Variants in GRIA4 observed in about 807,000 individuals in gnomAD.
The protein encoded by GRIA4 is glutamate receptor 4.
A neutral mutation model predicts 104.0 loss-of-function variants in GRIA4; 34 were observed. That is an observed-to-expected ratio of 0.33 (90% confidence interval 0.25 to 0.44). The LOEUF (loss-of-function observed/expected upper bound fraction) is 0.44. Among genes scored for constraint, GRIA4 ranks in the 20% least tolerant of loss-of-function variants. The pLI is 1.00. For missense variants in GRIA4, 750 were observed against 1,096.5 expected (o/e 0.68, Z 4.46); for synonymous variants, 386 against 381.9 (o/e 1.01, Z -0.13).
chr11:105,864,751 T>C (rs1945346125), intron 5 of GRIA4, among the ~76,000 whole-genome samples: 1 of 152,098 alleles, frequency 6.6e-6, no homozygotes, highest in South Asian at 2.1e-4. Context: ...ATGCCTGTAA[T>C]CCCAGCTACT....
chr11:105,811,181 AAG>A (rs1180760719), intron 4 of GRIA4, among the ~76,000 whole-genome samples: 1 of 152,164 alleles, frequency 6.6e-6, no homozygotes, highest in Admixed American at 6.5e-5. Context: ...ATCAGCTGTT[AAG>A]AGGGCTGCAG....
chr11:105,815,568 C>A (rs149863493), intron 4 of GRIA4, among the ~76,000 whole-genome samples: 1 of 152,156 alleles, frequency 6.6e-6, no homozygotes, highest in East Asian at 1.9e-4. Flanking sequence ...GCTGCCTAGT[C>A]CATCTGCTGT....
chr11:105,955,213 T>C (rs1034928381), intron 14 of GRIA4, among the ~76,000 whole-genome samples: 1 of 152,126 alleles, frequency 6.6e-6, no homozygotes, highest in Non-Finnish European at 1.5e-5. Context: ...TACAAAGGTA[T>C]ACAAGTGCCA....
chr11:105,859,263 A>G (rs1039599437), intron 4 of GRIA4, among the ~76,000 whole-genome samples: 1 of 152,196 alleles, frequency 6.6e-6, no homozygotes, highest in African/African-American at 2.4e-5. Flanking sequence ...GATTTTAGCC[A>G]AGCTCTGAAA....
At chr11:105,822,975 T>A (rs898097757) in intron 4 of GRIA4, among the ~76,000 whole-genome samples, 1 of 152,158 alleles carries the variant, frequency 6.6e-6, no homozygotes, top group Non-Finnish European at 1.5e-5. Context: ...TTGTAAGTAC[T>A]GAGTTCTTTT....
intron 5 of GRIA4, among the ~76,000 whole-genome samples, chr11:105,874,273 T>C (rs1278297747): frequency 6.6e-6 from 1 of 152,198 alleles, no homozygotes; most frequent in East Asian, 1.9e-4. Context: ...TCCATTGGTC[T>C]ATATATCTGT....
intron 4 of GRIA4, among the ~76,000 whole-genome samples, chr11:105,815,973 C>G (rs1191774481): frequency 6.6e-6 from 1 of 152,110 alleles, no homozygotes; most frequent in Non-Finnish European, 1.5e-5. Context: ...CTGCCTAGCA[C>G]CCCTCCTTTA....
At chr11:105,869,883 C>T (rs1945552573) in intron 5 of GRIA4, among the ~76,000 whole-genome samples, 1 of 151,998 alleles carries the variant, frequency 6.6e-6, no homozygotes. Context: ...ATCTCATATA[C>T]AACTTGTGAC....
At chr11:105,774,446 A>T (rs1210786371) in intron 4 of GRIA4, among the ~76,000 whole-genome samples, 1 of 152,080 alleles carries the variant, frequency 6.6e-6, no homozygotes, top group Non-Finnish European at 1.5e-5. Context: ...ATAAAAGTGG[A>T]AATTGAAGGA....
chr11:105,836,622 C>G (rs963643755), intron 4 of GRIA4, among the ~76,000 whole-genome samples: 1 of 152,104 alleles, frequency 6.6e-6, no homozygotes, highest in Non-Finnish European at 1.5e-5. Context: ...AGTGAATTCT[C>G]AAACTTTATT....
At chr11:105,912,928 A>G in intron 10 of GRIA4, 4 of 979,382 alleles carry the variant, frequency 4.1e-6, no homozygotes, top group Non-Finnish European at 4.9e-6. Context: ...ATTTTAATAT[A>G]TGTGATACCT....
At chr11:105,633,967 G>A (rs1424997332) in intron 3 of GRIA4, among the ~76,000 whole-genome samples, 1 of 152,102 alleles carries the variant, frequency 6.6e-6, no homozygotes, top group Non-Finnish European at 1.5e-5. Flanking sequence ...ACATTAGGCG[G>A]GTTACTCAAT....
At chr11:105,889,777 G>C (rs575222960) in intron 6 of GRIA4, among the ~76,000 whole-genome samples, 19 of 152,130 alleles carry the variant, frequency 1.2e-4, no homozygotes, top group Admixed American at 5.9e-4. Flanking sequence ...AAAATACTAA[G>C]GAATCAAAAA....
At chr11:105,949,856 T>A (rs1948417452) in intron 14 of GRIA4, among the ~76,000 whole-genome samples, 1 of 152,126 alleles carries the variant, frequency 6.6e-6, no homozygotes. Context: ...GGAGGATTAG[T>A]TTGATTAAGA....
chr11:105,797,864 T>C (rs2135826205), intron 4 of GRIA4: 1 of 448,264 alleles, frequency 2.2e-6, no homozygotes, highest in South Asian at 1.6e-5. Flanking sequence ...GAGCTCAATG[T>C]ATTTAATTAC....
At chr11:105,908,847 T>A (rs566805638) in intron 9 of GRIA4, among the ~76,000 whole-genome samples, 2 of 152,220 alleles carry the variant, frequency 1.3e-5, no homozygotes, top group South Asian at 4.1e-4. Context: ...TGATGAGATC[T>A]TCAGGGTGGG....
intron 3 of GRIA4, among the ~76,000 whole-genome samples, chr11:105,721,788 T>C (rs1278509498): frequency 6.6e-6 from 1 of 152,152 alleles, no homozygotes; most frequent in Non-Finnish European, 1.5e-5. Context: ...CTCCCAGTCA[T>C]CAATATTGGG....
intron 4 of GRIA4, among the ~76,000 whole-genome samples, chr11:105,800,186 T>C (rs370352988): frequency 6.6e-6 from 1 of 152,026 alleles, no homozygotes; most frequent in African/African-American, 2.4e-5. Context: ...GGGTAAGTGA[T>C]TGAAATGGAG....
chr11:105,747,886 C>T (rs1939757262), intron 3 of GRIA4, among the ~76,000 whole-genome samples: 1 of 152,002 alleles, frequency 6.6e-6, no homozygotes, highest in Admixed American at 6.6e-5. Flanking sequence ...CCAAAATGCT[C>T]AATATTAAGA....
Sources: allele counts gnomAD v4.1 joint callset (sites outside exome capture counted in the v4.1 genomes callset), GRCh38; gene constraint gnomAD v4.1.1; transcripts MANE v1.5; gene names NCBI Gene and HGNC (gene_info 2026-07-23, HGNC 2026-07-21).